The following ADAMTS17 variants were observed in gnomAD, a reference collection of about 807,000 sequenced individuals.
ADAMTS17 encodes A disintegrin and metalloproteinase with thrombospondin motifs 17.
A neutral mutation model predicts 141.5 loss-of-function variants in ADAMTS17; 113 were observed. The observed-to-expected ratio is 0.80, with a 90% CI of 0.69 to 0.93. The LOEUF (loss-of-function observed/expected upper bound fraction) is 0.93, where lower values mean the gene tolerates loss of function less well. ADAMTS17 is among the 40% of genes least tolerant of loss of function. The probability of loss-of-function intolerance (pLI) is 0.00; values close to 1 mark genes in which losing one functional copy is unlikely to be tolerated. For synonymous variants in ADAMTS17, 768 were observed against 630.6 expected, an observed-to-expected ratio of 1.22 and a Z score of -3.27; for missense variants, 1,659 against 1,517.9, an observed-to-expected ratio of 1.09 and a Z score of -1.54.
intron 7 of ADAMTS17, among the ~76,000 whole-genome samples, chr15:100,206,630 G>C (rs4338785): frequency 0.14 from 21,555 of 152,220 alleles, 1,968 homozygotes; most frequent in Non-Finnish European, 0.21. Flanking sequence ...GAAAGCTGGG[G>C]TTTTAGGTGG....
At chr15:100,193,761 G>A (rs1255604675) in intron 8 of ADAMTS17, among the ~76,000 whole-genome samples, 1 of 152,222 alleles carries the variant, frequency 6.6e-6, no homozygotes, top group Non-Finnish European at 1.5e-5. Flanking sequence ...GCCACGGGCT[G>A]AGCCTCCCCA....
At chr15:100,199,866 C>T (rs1440372653) in intron 7 of ADAMTS17, among the ~76,000 whole-genome samples, 1 of 152,190 alleles carries the variant, frequency 6.6e-6, no homozygotes, top group Admixed American at 6.5e-5. Flanking sequence ...TTTAAGAGGC[C>T]CTGACTCCCC....
At chr15:100,102,745 C>CG (rs1567176742) in intron 14 of ADAMTS17, among the ~76,000 whole-genome samples, 1 of 152,184 alleles carries the variant, frequency 6.6e-6, no homozygotes, top group Non-Finnish European at 1.5e-5. Flanking sequence ...AGAGACCTCC[C>CG]TGCCTGCTCT....
At chr15:100,262,221 C>T (rs965170291) in intron 5 of ADAMTS17, 131 bp downstream of exon 5, 28 of 816,216 alleles carry the variant, frequency 3.4e-5, no homozygotes, top group African/African-American at 1.0e-4. Context: ...TTTCCTCTCA[C>T]GCTGGCAAAG....
intron 15 of ADAMTS17, among the ~76,000 whole-genome samples, chr15:100,070,505 C>G (rs1214592660): frequency 1.3e-5 from 2 of 150,228 alleles, no homozygotes; most frequent in Non-Finnish European, 3.0e-5. Flanking sequence ...AAGTACTCCT[C>G]AGCAAATGTA....
chr15:100,079,565 A>C (rs1469014523), intron 15 of ADAMTS17, among the ~76,000 whole-genome samples: 1 of 152,166 alleles, frequency 6.6e-6, no homozygotes, highest in East Asian at 1.9e-4. Flanking sequence ...GACTGCTACC[A>C]AGCATGGGGT....
chr15:100,100,942 G>A (rs1050728475), intron 14 of ADAMTS17, among the ~76,000 whole-genome samples: 2 of 143,918 alleles, frequency 1.4e-5, no homozygotes, highest in Admixed American at 7.3e-5. Context: ...GCCCTCCCCC[G>A]GAATGACCCC....
chr15:100,208,786 G>A (rs1349044326), intron 7 of ADAMTS17, among the ~76,000 whole-genome samples: 1 of 152,090 alleles, frequency 6.6e-6, no homozygotes. Flanking sequence ...TTAAGAATCT[G>A]GGAAGAGTCA....
intron 14 of ADAMTS17, among the ~76,000 whole-genome samples, chr15:100,105,361 G>A (rs1449224333): frequency 6.6e-6 from 1 of 152,180 alleles, no homozygotes; most frequent in Non-Finnish European, 1.5e-5. Flanking sequence ...GTTAATGTGA[G>A]GTGCAGTGCA....
intron 10 of ADAMTS17, among the ~76,000 whole-genome samples, chr15:100,151,938 C>G (rs1405868583): frequency 6.6e-6 from 1 of 152,204 alleles, no homozygotes; most frequent in African/African-American, 2.4e-5. Flanking sequence ...AGTTCAAATC[C>G]TCGCTCTACT....
At chr15:100,186,473 T>A (rs951531390) in intron 8 of ADAMTS17, among the ~76,000 whole-genome samples, 1 of 152,226 alleles carries the variant, frequency 6.6e-6, no homozygotes, top group African/African-American at 2.4e-5. Context: ...GGACTCTGAA[T>A]TGCCGCATAC....
rs777275584 is a variant in ADAMTS17 at position 100,261,592 on chromosome 15, G to C, written c.918C>G (p.Ser306Arg). The change falls in exon 6 of 22, where the codon AGC (serine) becomes AGG (arginine). Residue 306 changes from serine to arginine, a missense_variant. Physicochemically the swap from Ser to Arg is moderately radical, Grantham distance 110. Transcript: ENST00000268070. ...ACTCCTCGTTCTGCCAGTGACAGAA[G>C]CTCTCCAGGGACCGCTCACCATGGT... is the stretch of plus-strand genomic sequence containing the variant. ...IGHHGERSLE[S>R]FCHWQNEEYG... The C allele has an allele frequency of 6.2e-7, 1 of 1,614,120 alleles. No homozygotes were observed. The highest frequency in any genetic ancestry group is 8.5e-7 in the Non-Finnish European group (1 of 1,180,016).
intron 7 of ADAMTS17, among the ~76,000 whole-genome samples, chr15:100,242,783 C>T (rs932952011): frequency 2.0e-5 from 3 of 152,194 alleles, no homozygotes; most frequent in African/African-American, 7.2e-5. Flanking sequence ...CACAACACTG[C>T]TCCCTCTGTC....
At chr15:100,200,637 G>C (rs114403928) in intron 7 of ADAMTS17, among the ~76,000 whole-genome samples, 1 of 152,320 alleles carries the variant, frequency 6.6e-6, no homozygotes, top group African/African-American at 2.4e-5. Flanking sequence ...TAGGAGCTCA[G>C]TGCTCCCCTG....
chr15:100,179,152 C>A (rs2040437467), intron 8 of ADAMTS17, among the ~76,000 whole-genome samples: 1 of 152,112 alleles, frequency 6.6e-6, no homozygotes, highest in African/African-American at 2.4e-5. Context: ...GTTGTGGAAC[C>A]AAATACTAGG....
rs955227053 is a variant in ADAMTS17 at position 100,292,897 on chromosome 15, T to A, written c.617-11496A>T. Among the ~76,000 whole-genome samples the A allele has an allele frequency of 7.9e-5, 12 of 152,298 alleles. No individual in the cohort carries two copies. The East Asian group carries it at 2.3e-3, about 29-fold the overall frequency. ...AAGGATACCATTCCTTAGGGACAGATAATATTCTCCAAACACCAACTTCCC... is the reference window on the plus strand; with the variant it reads ...AAGGATACCATTCCTTAGGGACAGAAAATATTCTCCAAACACCAACTTCCC... On this transcript the variant is annotated intron_variant, in intron 3 of 21. Transcript: ENST00000268070.
chr15:100,257,593 C>T (rs2043369938), intron 6 of ADAMTS17, among the ~76,000 whole-genome samples: 1 of 152,234 alleles, frequency 6.6e-6, no homozygotes, highest in African/African-American at 2.4e-5. Flanking sequence ...ATCCAGAGCC[C>T]AGCAGCCTGT....
intron 14 of ADAMTS17, among the ~76,000 whole-genome samples, chr15:100,102,278 G>A (rs2036146205): frequency 6.6e-6 from 1 of 151,402 alleles, no homozygotes; most frequent in Non-Finnish European, 1.5e-5. Flanking sequence ...CAGGAAGCCC[G>A]ACCGAAGGAG....
chr15:100,225,816 T>C (rs1380845535), intron 7 of ADAMTS17, among the ~76,000 whole-genome samples: 3 of 145,954 alleles, frequency 2.1e-5, no homozygotes, highest in Admixed American at 6.9e-5. Flanking sequence ...ACTCTGTCCT[T>C]ACAGCAGTCA....
Sources: allele counts gnomAD v4.1 joint callset (sites outside exome capture counted in the v4.1 genomes callset), GRCh38; gene constraint gnomAD v4.1.1; transcripts MANE v1.5; gene names NCBI Gene and HGNC (gene_info 2026-07-23, HGNC 2026-07-21).